SCO2: variants seen among roughly 807,000 people sequenced by gnomAD.
SCO2 encodes the protein synthesis of cytochrome C oxidase 2.
For synonymous variants in SCO2, 195 were observed against 148.6 expected (o/e 1.31, Z -2.27); for missense variants, 429 against 348.7 (o/e 1.23, Z -1.83).
chr22:50,526,322 G>A (rs770295738), upstream of SCO2: 11 of 1,562,876 alleles, frequency 7.0e-6, no homozygotes, highest in South Asian at 2.3e-5. Context: ...GACTTCCCGA[G>A]CACAGGGCTC....
upstream of SCO2, chr22:50,526,311 G>A (rs1455843815): frequency 1.9e-6 from 3 of 1,560,324 alleles, no homozygotes; most frequent in Admixed American, 1.8e-5. Context: ...GCGTTCTGCG[G>A]GACTTCCCGA....
chr22:50,523,677 T>C lies in SCO2; in HGVS notation c.735A>G (p.Arg245=). 6.2e-7 allele frequency: 1 copy of C among 1,614,100 alleles called. No homozygotes were observed. Among genetic ancestry groups the C allele is most frequent in the Non-Finnish European group, 8.5e-7 (1 of 1,180,014 alleles). The change falls in exon 2 of 2, where the codon AGA becomes AGG. Residue 245 remains arginine, a synonymous_variant. Transcript: ENST00000395693. ...CACTGTCTGAGATCTGCTCAGCCGA[T>C]CTGCTCCGGCCGTAGTAATCCGTGA... ...GLFTDYYGRS[R]SAEQISDSVR...
At position 50,523,575 on chromosome 22, in the gene SCO2, C is replaced by T. The variant is rs2069182662; in HGVS notation, c.*36G>A. The T allele has an allele frequency of 1.9e-6, 3 of 1,605,396 alleles. No homozygotes were observed. Among genetic ancestry groups the T allele is most frequent in the Middle Eastern group, 4.0e-4 (2 of 4,990 alleles). On this transcript the variant is annotated 3_prime_UTR_variant, in exon 2 of 2. Transcript: ENST00000395693. ...ATCACACACACACACAGATTAAACG[C>T]AGCCCGTTTAATGATGGGGCCCAGA...
chr22:50,525,344 C>T (rs1489871588), intron 1 of SCO2, 128 bp downstream of exon 1: 1 of 256,702 alleles, frequency 3.9e-6, no homozygotes, highest in Non-Finnish European at 7.6e-6. Flanking sequence ...CCCAGCCTCG[C>T]TCCGGCCTCC....
Position 50,524,050 on chromosome 22 carries a change from C to T in SCO2, c.362G>A (p.Gly121Asp). ...GRARCKADFR[G>D]QWVLMYFGFT... The stretch of plus-strand genomic sequence containing the variant: ...GCCAAAGTACATCAGCACCCACTGG[C>T]CCCGGAAGTCAGCCTTGCAGCGAGC... Residue 121 changes from glycine (G) to aspartate (D), a missense_variant, in exon 2 of 2, where the codon GGC becomes GAC. Coordinates refer to ENST00000395693, the MANE Select transcript of SCO2 (RefSeq NM_005138.3). 1 of 1,613,428 alleles carries T rather than the reference C, an allele frequency of 6.2e-7. No homozygotes were observed. The highest frequency in any genetic ancestry group is 8.5e-7 in the Non-Finnish European group (1 of 1,180,000).
upstream of SCO2, chr22:50,526,317 C>G (rs1311160064): frequency 6.4e-7 from 1 of 1,562,754 alleles, no homozygotes; most frequent in African/African-American, 1.4e-5. Context: ...TGCGGGACTT[C>G]CCGAGCACAG....
chr22:50,526,102 A>G (rs2069354583), upstream of SCO2: 51 of 1,490,064 alleles, frequency 3.4e-5, no homozygotes, highest in Non-Finnish European at 4.5e-5. Flanking sequence ...CTCGTGCAGC[A>G]CCAGCGCCAG....
rs2069199800 is a variant in SCO2 at position 50,523,866 on chromosome 22, C to G, written c.546G>C (p.Gln182His). 6.2e-7 allele frequency: 1 copy of G among 1,614,004 alleles called. No individual in the cohort carries two copies. The highest frequency in any genetic ancestry group is 1.1e-5 in the South Asian group (1 of 91,088). ...DDVEAMARYV[Q>H]DFHPRLLGLT... ...GACCCAACAGTCTTGGGTGGAAGTC[C>G]TGGACGTAGCGGGCCATGGCTTCAA... Residue 182 changes from glutamine (Q) to histidine (H), a missense_variant, in exon 2 of 2, where the codon CAG (glutamine) becomes CAC (histidine). Gln to His is a conservative substitution (Grantham distance 24). Transcript: ENST00000395693.
chr22:50,525,634 T>C (rs2069317467), upstream of SCO2: 1 of 1,354,866 alleles, frequency 7.4e-7, no homozygotes, highest in Admixed American at 2.0e-5. Flanking sequence ...GCGCAGCCGC[T>C]GACAGGCTCT....
At chr22:50,526,060 G>C (rs1350988490), upstream of SCO2, 2 of 1,482,640 alleles carry the variant, frequency 1.3e-6, no homozygotes, top group African/African-American at 1.5e-5. Flanking sequence ...CAGGCGGAGC[G>C]GCTCCCCAGC....
chr22:50,526,408 C>T (rs529308501), upstream of SCO2: 3 of 1,513,516 alleles, frequency 2.0e-6, no homozygotes, highest in East Asian at 5.3e-5. Context: ...TCGTCCAGCG[C>T]CGCGGCCACC....
chr22:50,524,351 C>A lies in SCO2; in HGVS notation c.61G>T (p.Val21Phe). Residue 21 changes from valine (V) to phenylalanine (F), a missense_variant, in exon 2 of 2, where the codon GTC becomes TTC. By Grantham distance (50) the Val-to-Phe change is conservative. Coordinates refer to ENST00000395693, the MANE Select transcript of SCO2 (RefSeq NM_005138.3). ...WHRLSQLKPR[V>F]LPGTLGGQAL... is the part of the protein sequence containing the mutation. ...TGGCCTCCCAGGGTCCCAGGGAGGA[C>A]CCGAGGCTTGAGCTGAGAGAGCCTG... is the stretch of plus-strand genomic sequence containing the variant. 1 of 1,602,078 alleles carries A rather than the reference C, an allele frequency of 6.2e-7. No homozygotes were observed.
At chr22:50,525,279 T>TA (rs2069294767) in intron 1 of SCO2, among the ~76,000 whole-genome samples, 193 bp downstream of exon 1, 1 of 152,204 alleles carries the variant, frequency 6.6e-6, no homozygotes, top group Non-Finnish European at 1.5e-5. Flanking sequence ...GAGCGCGTTA[T>TA]AACTGTGCTT....
upstream of SCO2, chr22:50,525,616 G>C (rs2069316331): frequency 8.4e-7 from 1 of 1,187,828 alleles, no homozygotes; most frequent in Non-Finnish European, 1.2e-6. Context: ...CTGCGCATGC[G>C]CACACGGGCG....
Position 50,525,496 on chromosome 22 carries a change from G to C in SCO2, c.-38C>G. ...CCTCGCGGCGGGGCCGCGCGTCAGT[G>C]GACCAAGCACGAGAGGAAGCGCCGA... On this transcript the variant is annotated 5_prime_UTR_variant, in exon 1 of 2. Transcript: ENST00000395693. 1 of 525,616 alleles carries C rather than the reference G, an allele frequency of 1.9e-6. No individual in the cohort carries two copies. 32.6% of individuals were successfully genotyped at this position (525,616 alleles called of 1,614,324 possible).
In SCO2 at chr22:50,524,198, C is replaced by G. The variant is rs771629047; in HGVS notation, c.214G>C (p.Gly72Arg). 1 of 1,608,626 alleles carries G rather than the reference C, an allele frequency of 6.2e-7. No homozygotes were observed. Among genetic ancestry groups the G allele is most frequent in the Non-Finnish European group, 8.5e-7 (1 of 1,179,954 alleles). The stretch of plus-strand genomic sequence containing the variant: ...GCCCTCAGGGCCAGCCAGGCCCCAC[C>G]GAGTCCAGCCCCGAACAGGCCTGTG... ...LITGLFGAGL[G>R]GAWLALRAEK... Residue 72 changes from glycine (G) to arginine (R), a missense_variant, in exon 2 of 2, where the codon GGT becomes CGT. Gly to Arg is a moderately radical substitution (Grantham distance 125). Transcript: ENST00000395693.
chr22:50,526,427 G>T (rs749713507), upstream of SCO2: 3 of 1,505,092 alleles, frequency 2.0e-6, no homozygotes, highest in Non-Finnish European at 1.8e-6. Flanking sequence ...CCCGGGCAGC[G>T]CCCTGGGCCT....
chr22:50,524,499 G>A, intron 1 of SCO2, 75 bp from the exon 2 acceptor site: 2 of 1,379,190 alleles, frequency 1.5e-6, no homozygotes, highest in Non-Finnish European at 1.0e-6. Flanking sequence ...TGCGACTTGA[G>A]ACCAGCCACC....
upstream of SCO2, chr22:50,526,012 C>T: frequency 4.1e-6 from 6 of 1,465,200 alleles, no homozygotes; most frequent in Non-Finnish European, 5.4e-6. Context: ...ACGGCGCAGC[C>T]TCTGACCCAC....
Sources: allele counts gnomAD v4.1 joint callset (sites outside exome capture counted in the v4.1 genomes callset), GRCh38; gene constraint gnomAD v4.1.1; transcripts MANE v1.5; gene names NCBI Gene and HGNC (gene_info 2026-07-23, HGNC 2026-07-21).